The following EPC2 variants were observed in gnomAD, a reference collection of about 807,000 sequenced individuals.
EPC2 encodes enhancer of polycomb 2.
In EPC2, 14 loss-of-function variants were observed where a neutral mutation model predicts 92.1. The observed-to-expected ratio is 0.15, with a 90% confidence interval of 0.10 to 0.24. EPC2 has a LOEUF of 0.24. Among genes scored for constraint, EPC2 ranks in the 10% least tolerant of loss-of-function variants. The pLI is 1.00. For synonymous variants in EPC2, 340 were observed against 334.7 expected, an observed-to-expected ratio of 1.02 and a Z score of -0.17; for missense variants, 755 against 971.5, an observed-to-expected ratio of 0.78 and a Z score of 2.96.
At chr2:148,725,701 A>G (rs1008219759) in intron 2 of EPC2, among the ~76,000 whole-genome samples, 1 of 152,062 alleles carries the variant, frequency 6.6e-6, no homozygotes, top group Admixed American at 6.6e-5. Flanking sequence ...TGCCACTGAC[A>G]TTTTTAGATT....
intron 1 of EPC2, among the ~76,000 whole-genome samples, chr2:148,688,483 A>C (rs1168192682): frequency 6.6e-6 from 1 of 152,190 alleles, no homozygotes; most frequent in African/African-American, 2.4e-5. Flanking sequence ...TAATGGGTGC[A>C]GCACACCAAC....
chr2:148,677,803 G>C (rs1056659314), intron 1 of EPC2, among the ~76,000 whole-genome samples: 1 of 151,836 alleles, frequency 6.6e-6, no homozygotes, highest in Non-Finnish European at 1.5e-5. Flanking sequence ...CTCTTAAGGC[G>C]GCGCATCTGG....
At chr2:148,768,675 T>G (rs1162464139) in intron 7 of EPC2, among the ~76,000 whole-genome samples, 1 of 152,226 alleles carries the variant, frequency 6.6e-6, no homozygotes, top group Non-Finnish European at 1.5e-5. Context: ...CTTTATGGCC[T>G]TTGGGGTTTT....
chr2:148,657,779 A>G (rs1175433193), intron 1 of EPC2, among the ~76,000 whole-genome samples: 2 of 152,144 alleles, frequency 1.3e-5, no homozygotes, highest in Non-Finnish European at 1.5e-5. Flanking sequence ...GTGTGTGCCC[A>G]TGATCCATGC....
rs188501860 is a variant in EPC2 at position 148,724,081 on chromosome 2, G to A, written c.314-19541G>A. On this transcript the variant is annotated intron_variant, in intron 2 of 13. Transcript: ENST00000258484. ...TTAAAGAAGTTTTTGACTGTAAAAT[G>A]TAGGACTCTTTTATACAATTTATAA... Among the ~76,000 whole-genome samples the A allele has an allele frequency of 4.3e-3, 648 of 152,192 alleles. 5 individuals carry two copies. The highest frequency in any genetic ancestry group is 6.3e-3 in the Non-Finnish European group (430 of 67,970).
At chr2:148,731,345 T>C (rs1427131545) in intron 2 of EPC2, among the ~76,000 whole-genome samples, 2 of 152,242 alleles carry the variant, frequency 1.3e-5, no homozygotes, top group Non-Finnish European at 2.9e-5. Flanking sequence ...TTCTGTCTTA[T>C]TTAGTTGCCT....
At chr2:148,713,053 T>C (rs544746529) in intron 2 of EPC2, among the ~76,000 whole-genome samples, 56 of 152,322 alleles carry the variant, frequency 3.7e-4, no homozygotes, top group African/African-American at 1.3e-3. Context: ...TTATTCACAG[T>C]ACTAATACTT....
At chr2:148,762,524 A>G (rs945230505) in intron 5 of EPC2, 146 bp from the exon 6 acceptor site, 4 of 623,020 alleles carry the variant, frequency 6.4e-6, no homozygotes, top group African/African-American at 1.9e-5. Flanking sequence ...CTGTTTCTTT[A>G]TTCCTGCAAA....
chr2:148,708,437 C>T lies in EPC2; in HGVS notation c.313+18064C>T, dbSNP rs575047389. Among the ~76,000 whole-genome samples the T allele has an allele frequency of 3.9e-5, 6 of 152,316 alleles. 1 individual carries two copies. In the South Asian group the frequency reaches 8.3e-4, roughly 21 times the overall value. Reference sequence around the variant, plus strand: ...GGTATGAAGAGGAGCTGGTACCATTCCTTCTGAAACTCTTCCAATCAATAG... The same window carrying T: ...GGTATGAAGAGGAGCTGGTACCATTTCTTCTGAAACTCTTCCAATCAATAG... On this transcript the variant is annotated intron_variant, in intron 2 of 13. Coordinates refer to ENST00000258484, the MANE Select transcript of EPC2 (RefSeq NM_015630.4).
intron 1 of EPC2, among the ~76,000 whole-genome samples, chr2:148,678,832 T>C (rs963073986): frequency 1.3e-5 from 2 of 152,144 alleles, no homozygotes; most frequent in African/African-American, 4.8e-5. Flanking sequence ...AGAAAGGGGC[T>C]CCCACAGTGC....
intron 10 of EPC2, among the ~76,000 whole-genome samples, chr2:148,776,440 T>TC (rs1232481479): frequency 6.6e-6 from 1 of 152,214 alleles, no homozygotes; most frequent in African/African-American, 2.4e-5. Flanking sequence ...CCCTTATCTT[T>TC]CCTCTCCCCA....
chr2:148,759,089 G>GTTA (rs1220273320), intron 4 of EPC2, among the ~76,000 whole-genome samples: 2 of 152,018 alleles, frequency 1.3e-5, no homozygotes, highest in South Asian at 2.1e-4. Context: ...AAAATGTATT[G>GTTA]TTATTATTAT....
intron 1 of EPC2, among the ~76,000 whole-genome samples, chr2:148,680,850 C>T (rs765075558): frequency 6.6e-6 from 1 of 152,052 alleles, no homozygotes; most frequent in African/African-American, 2.4e-5. Flanking sequence ...CAGAAGAGGA[C>T]CAGTATATAA....
intron 1 of EPC2, among the ~76,000 whole-genome samples, chr2:148,685,210 G>C (rs1168862714): frequency 6.6e-6 from 1 of 150,404 alleles, no homozygotes; most frequent in East Asian, 2.0e-4. Flanking sequence ...GTCCTTTATT[G>C]AACAAAAATT....
At chr2:148,737,688 A>G (rs1419865158) in intron 2 of EPC2, among the ~76,000 whole-genome samples, 1 of 151,828 alleles carries the variant, frequency 6.6e-6, no homozygotes, top group African/African-American at 2.4e-5. Context: ...GGGAAAGAGT[A>G]ACTGTTGATT....
intron 2 of EPC2, among the ~76,000 whole-genome samples, chr2:148,700,242 A>G (rs1435145724): frequency 6.6e-6 from 1 of 152,132 alleles, no homozygotes; most frequent in Admixed American, 6.6e-5. Flanking sequence ...CCAGCTTAAC[A>G]ATTTTTTTAC....
chr2:148,771,204 C>G lies in EPC2; in HGVS notation c.1537C>G (p.Leu513Val). Reference protein sequence around the residue: ...SSKHCENRLSLSEILSNIRSC... With the variant: ...SSKHCENRLSVSEILSNIRSC... ...TAAACATTGTGAAAATAGACTGTCT[C>G]TTTCTGAAATATTAAGCAATATCAG... The change falls in exon 10 of 14, where the codon CTT becomes GTT. Residue 513 changes from leucine to valine, a missense_variant. This residue lies in a region of EPC2 where 509 missense variants were observed against 607.7 expected (regional missense o/e 0.84). Coordinates refer to ENST00000258484, the MANE Select transcript of EPC2 (RefSeq NM_015630.4). 1.2e-6 allele frequency: 2 copies of G among 1,613,950 alleles called. No homozygotes were observed. The highest frequency in any genetic ancestry group is 8.5e-7 in the Non-Finnish European group (1 of 1,179,876).
rs149286683 is a variant in EPC2, at chr2:148,697,127, C to T, written c.313+6754C>T. Among the ~76,000 whole-genome samples the T allele has an allele frequency of 2.5e-3, 382 of 152,300 alleles. 2 individuals are homozygous for T. Among genetic ancestry groups the T allele is most frequent in the African/African-American group, 8.5e-3 (355 of 41,558 alleles). ...TAAGATTAAAGAGCCCAGGGTGATGCAGCTAGCAAGTAGTAGAGTCAGAAT... is the reference window on the plus strand; with the variant it reads ...TAAGATTAAAGAGCCCAGGGTGATGTAGCTAGCAAGTAGTAGAGTCAGAAT... On this transcript the variant is annotated intron_variant, in intron 2 of 13. Coordinates refer to ENST00000258484, the MANE Select transcript of EPC2 (RefSeq NM_015630.4).
At chr2:148,664,743 T>G (rs569201915) in intron 1 of EPC2, among the ~76,000 whole-genome samples, 1 of 152,348 alleles carries the variant, frequency 6.6e-6, no homozygotes, top group East Asian at 1.9e-4. Flanking sequence ...CAGTATATAC[T>G]CTTTTTCTTT....
Sources: allele counts gnomAD v4.1 joint callset (sites outside exome capture counted in the v4.1 genomes callset), GRCh38; gene constraint gnomAD v4.1.1; regional missense constraint gnomAD v4.1.1; transcripts MANE v1.5; gene names NCBI Gene and HGNC (gene_info 2026-07-23, HGNC 2026-07-21).